The following PIKFYVE variants were observed in gnomAD, a reference collection of about 807,000 sequenced individuals.
PIKFYVE encodes the protein phosphoinositide kinase, FYVE-type zinc finger containing.
In PIKFYVE, 122 loss-of-function variants were observed where a neutral mutation model predicts 257.9. That is an observed-to-expected ratio of 0.47 (90% CI 0.41 to 0.55). The LOEUF (loss-of-function observed/expected upper bound fraction) is 0.55, where lower values mean the gene tolerates loss of function less well. Among genes scored for constraint, PIKFYVE ranks in the 20% least tolerant of loss-of-function variants. The pLI is 0.00. For synonymous variants in PIKFYVE, 892 were observed against 868.9 expected (o/e 1.03, Z -0.47); for missense variants, 2,160 against 2,536.6 (o/e 0.85, Z 3.19).
intron 6 of PIKFYVE, among the ~76,000 whole-genome samples, chr2:208,286,712 G>A (rs1213858101): frequency 6.6e-6 from 1 of 151,358 alleles, no homozygotes; most frequent in Admixed American, 6.6e-5. Flanking sequence ...TAAGAGATGG[G>A]GTCTTGCCAT....
chr2:208,327,086 T>A (rs1328753801), intron 20 of PIKFYVE, among the ~76,000 whole-genome samples: 1 of 152,160 alleles, frequency 6.6e-6, no homozygotes, highest in Non-Finnish European at 1.5e-5. Context: ...ATAATGTATG[T>A]TCAATTTCAC....
At chr2:208,344,492 T>C (rs1318640011) in intron 32 of PIKFYVE, among the ~76,000 whole-genome samples, 1 of 152,152 alleles carries the variant, frequency 6.6e-6, no homozygotes, top group Non-Finnish European at 1.5e-5. Flanking sequence ...AATATATTAA[T>C]AGGTAAGAAA....
rs1451961460 is a variant in PIKFYVE at position 208,335,921 on chromosome 2, GA to G, written c.4365+24del. ...AAAGAGGTAATTTATTTCTTTGGTA[GA>G]AAATTCAAAAGTTAATTATTGATTA... On this transcript the variant is annotated intron_variant, in intron 26 of 41. Coordinates refer to ENST00000264380, the MANE Select transcript of PIKFYVE (RefSeq NM_015040.4). 6.3e-7 allele frequency: 1 copy of G among 1,596,460 alleles called. No individual in the cohort carries two copies. The highest frequency in any genetic ancestry group is 8.6e-7 in the Non-Finnish European group (1 of 1,165,756).
intron 1 of PIKFYVE, 74 bp from the exon 2 acceptor site, chr2:208,271,437 T>C (rs185826363): frequency 7.3e-7 from 1 of 1,375,576 alleles, no homozygotes; most frequent in African/African-American, 1.4e-5. Flanking sequence ...TTCTGGATAT[T>C]TCGATGCTGT....
intron 12 of PIKFYVE, among the ~76,000 whole-genome samples, chr2:208,308,419 A>G (rs1694592530): frequency 6.6e-6 from 1 of 151,906 alleles, no homozygotes; most frequent in South Asian, 2.1e-4. Flanking sequence ...AAGAAAAAAA[A>G]TTCCATATTA....
chr2:208,354,460 C>T, intron 40 of PIKFYVE, 111 bp from the exon 41 acceptor site: 2 of 1,042,954 alleles, frequency 1.9e-6, no homozygotes, highest in South Asian at 2.6e-5. Context: ...ATTGTTAGCA[C>T]TCAATAAAAG....
Position 208,330,521 on chromosome 2 carries a change from A to T in PIKFYVE, c.3792-2A>T, listed in dbSNP as rs1229419077. 1 of 1,614,076 alleles carries T rather than the reference A, an allele frequency of 6.2e-7. No individual in the cohort carries two copies. The highest frequency in any genetic ancestry group is 1.3e-5 in the African/African-American group (1 of 75,020). ...TGAGAAGGGCTCTTTTGTTTGTCAA[A>T]GGCCTTCTTATCAGTGTCCAAGCAT... On this transcript the variant is annotated splice_acceptor_variant, in intron 22 of 41. Coordinates refer to ENST00000264380, the MANE Select transcript of PIKFYVE (RefSeq NM_015040.4). LOFTEE classifies it high-confidence loss of function.
At chr2:208,336,517 T>C (rs566015422) in intron 27 of PIKFYVE, among the ~76,000 whole-genome samples, 1 of 152,176 alleles carries the variant, frequency 6.6e-6, no homozygotes, top group African/African-American at 2.4e-5. Context: ...AAGTCACTAT[T>C]GGTTTTTGGC....
rs1341607420 is a variant in PIKFYVE at position 208,317,623 on chromosome 2, T to G, written c.2008-244T>G. Among the ~76,000 whole-genome samples the G allele has an allele frequency of 2.0e-5, 3 of 152,194 alleles. 1 individual carries two copies. Among genetic ancestry groups the G allele is most frequent in the Non-Finnish European group, 4.4e-5 (3 of 68,030 alleles). Reference sequence around the variant, plus strand: ...TGTTAACTGCCACATGGCACTAGTTTATTCAGTCAGTGAGTACTTTAGAGT... The same window carrying G: ...TGTTAACTGCCACATGGCACTAGTTGATTCAGTCAGTGAGTACTTTAGAGT... On this transcript the variant is annotated intron_variant, in intron 15 of 41. Transcript: ENST00000264380.
In PIKFYVE at chr2:208,312,223, C is replaced by A; in HGVS notation, c.1637-13C>A. 2 of 1,603,262 alleles carry A rather than the reference C, an allele frequency of 1.2e-6. No homozygotes were observed. Among genetic ancestry groups the A allele is most frequent in the Non-Finnish European group, 1.7e-6 (2 of 1,170,836 alleles). On this transcript the variant is annotated splice_polypyrimidine_tract_variant and intron_variant, in intron 12 of 41. Transcript: ENST00000264380. ...CTTTTGTTCCTCCTCTCTGTTGTCT[C>A]CCTGGTATGCAGAGTATTTGATTTC...
chr2:208,336,229 A>G, intron 27 of PIKFYVE, 29 bp downstream of exon 27: 1 of 1,612,670 alleles, frequency 6.2e-7, no homozygotes, highest in Non-Finnish European at 8.5e-7. Flanking sequence ...GTTTTCTTTA[A>G]TATTATTGCC....
intron 39 of PIKFYVE, 64 bp from the exon 40 acceptor site, chr2:208,353,834 C>T (rs990755464): frequency 5.1e-6 from 8 of 1,580,320 alleles, no homozygotes; most frequent in Non-Finnish European, 6.9e-6. Context: ...TTTTTATTTA[C>T]TTACATTAAC....
At position 208,310,072 on chromosome 2, in the gene PIKFYVE, G is replaced by A. The variant is rs564037966; in HGVS notation, c.1637-2164G>A. Among the ~76,000 whole-genome samples the A allele has an allele frequency of 6.9e-4, 105 of 152,102 alleles. 1 individual carries two copies. The highest frequency in any genetic ancestry group is 3.4e-3 in the Middle Eastern group (1 of 294). On this transcript the variant is annotated intron_variant, in intron 12 of 41. Coordinates refer to ENST00000264380, the MANE Select transcript of PIKFYVE (RefSeq NM_015040.4). ...CTCTCTTAGTTTTTAACATACTAAC[G>A]AGTTATTCTTTTTACATTTTTTCTT...
intron 25 of PIKFYVE, among the ~76,000 whole-genome samples, 159 bp from the exon 26 acceptor site, chr2:208,335,633 TC>T (rs1698051562): frequency 6.6e-6 from 1 of 152,204 alleles, no homozygotes; most frequent in Non-Finnish European, 1.5e-5. Context: ...TTGAAGTACA[TC>T]CTTTTAGGTC....
chr2:208,330,561 C>T lies in PIKFYVE; in HGVS notation c.3830C>T (p.Pro1277Leu). Residue 1277 changes from proline (P) to leucine (L), a missense_variant, in exon 23 of 42, where the codon CCC becomes CTC. Pro to Leu is a moderately conservative substitution (Grantham distance 98). This residue lies in a region of PIKFYVE where 55 missense variants were observed against 103.0 expected (regional missense o/e 0.53). Coordinates refer to ENST00000264380, the MANE Select transcript of PIKFYVE (RefSeq NM_015040.4). ...TGTCCAAGCATGTTCTGTGATACCC[C>T]CATGGTACATCATATTCGGCGCTTT... ...YQCPSMFCDT[P>L]MVHHIRRFVH... is the part of the protein sequence containing the mutation. 1 of 1,614,134 alleles carries T rather than the reference C, an allele frequency of 6.2e-7. No individual in the cohort carries two copies. The highest frequency in any genetic ancestry group is 8.5e-7 in the Non-Finnish European group (1 of 1,180,022).
chr2:208,339,522 C>T lies in PIKFYVE; in HGVS notation c.4777C>T (p.Pro1593Ser), dbSNP rs1431040331. ...EVMSEQSVGG[P>S]PELDTASSSE... Reference sequence around the variant, plus strand: ...CATGTCTGAACAGTCAGTGGGAGGGCCCCCTGAGCTAGATACAGCCAGCAG... The same window carrying T: ...CATGTCTGAACAGTCAGTGGGAGGGTCCCCTGAGCTAGATACAGCCAGCAG... The change falls in exon 30 of 42, where the codon CCC (proline) becomes TCC (serine). Residue 1593 changes from proline (P) to serine (S), a missense_variant. Transcript: ENST00000264380. 6.2e-7 allele frequency: 1 copy of T among 1,614,098 alleles called. No individual in the cohort carries two copies. Among genetic ancestry groups the T allele is most frequent in the Non-Finnish European group, 8.5e-7 (1 of 1,180,008 alleles).
In PIKFYVE at chr2:208,325,629, G is replaced by C. The variant is rs1696839866; in HGVS notation, c.2818G>C (p.Glu940Gln). The C allele has an allele frequency of 1.2e-6, 2 of 1,614,134 alleles. No individual in the cohort carries two copies. Among genetic ancestry groups the C allele is most frequent in the Non-Finnish European group, 1.7e-6 (2 of 1,180,020 alleles). ...ATTGAGGATTGTGTTTGAGAAGGGT[G>C]AGCAGGAAAATAAAAATCTTCCGCA... is the stretch of plus-strand genomic sequence containing the variant. ...LELRIVFEKGEQENKNLPQAV... is the reference protein window; with the variant it reads ...LELRIVFEKGQQENKNLPQAV... Residue 940 changes from glutamate (E) to glutamine (Q), a missense_variant, in exon 20 of 42, where the codon GAG (glutamate) becomes CAG (glutamine). By Grantham distance (29) the Glu-to-Gln change is conservative. Around this residue, in one of 12 missense-constraint regions of PIKFYVE, gnomAD observed 522 missense variants for 514.6 expected, o/e 1.01. Transcript: ENST00000264380.
At chr2:208,350,385 G>A (rs1200769131) in intron 36 of PIKFYVE, among the ~76,000 whole-genome samples, 4 of 152,048 alleles carry the variant, frequency 2.6e-5, no homozygotes, top group Non-Finnish European at 5.9e-5. Flanking sequence ...TTAGAATTGT[G>A]TATATGTGTG....
intron 12 of PIKFYVE, 157 bp downstream of exon 12, chr2:208,305,170 T>TC: frequency 6.5e-7 from 1 of 1,526,974 alleles, no homozygotes; most frequent in Non-Finnish European, 8.8e-7. Flanking sequence ...CCACACCTCC[T>TC]CCCCATACCT....
Sources: allele counts gnomAD v4.1 joint callset (sites outside exome capture counted in the v4.1 genomes callset), GRCh38; gene constraint gnomAD v4.1.1; regional missense constraint gnomAD v4.1.1; transcripts MANE v1.5; gene names NCBI Gene and HGNC (gene_info 2026-07-23, HGNC 2026-07-21).